ACACA: variants seen among roughly 807,000 people sequenced by gnomAD.
ACACA encodes the protein acetyl-CoA carboxylase alpha, also known as acetyl-CoA carboxylase 1.
In ACACA, 103 loss-of-function variants were observed where a neutral mutation model predicts 296.1. That is an observed-to-expected ratio of 0.35 (90% CI 0.30 to 0.41). The LOEUF (loss-of-function observed/expected upper bound fraction) is 0.41. Ranked by LOEUF, ACACA falls within the 10% of genes least tolerant of loss-of-function variation. The pLI, the probability that ACACA is intolerant of heterozygous loss-of-function variation, is 1.00. For missense variants in ACACA, 1,554 were observed against 2,989.7 expected, an observed-to-expected ratio of 0.52 and a Z score of 11.20; for synonymous variants, 953 against 1,038.6, an observed-to-expected ratio of 0.92 and a Z score of 1.58.
intron 2 of ACACA, among the ~76,000 whole-genome samples, chr17:37,332,229 A>G (rs1020341703): frequency 2.0e-5 from 3 of 151,820 alleles, no homozygotes; most frequent in African/African-American, 4.8e-5. Flanking sequence ...TTAAAAAAAA[A>G]AAAGAAAGAA....
chr17:37,354,886 C>G (rs1271253475), intron 1 of ACACA, among the ~76,000 whole-genome samples: 2 of 152,182 alleles, frequency 1.3e-5, no homozygotes, highest in Non-Finnish European at 2.9e-5. Flanking sequence ...ATGATCACGT[C>G]ACTGCACTCC....
chr17:37,197,025 A>T (rs2078032479), intron 35 of ACACA, among the ~76,000 whole-genome samples: 1 of 152,188 alleles, frequency 6.6e-6, no homozygotes, highest in Admixed American at 6.5e-5. Flanking sequence ...ATGGTTATGG[A>T]AACAGAGTCA....
intron 1 of ACACA, among the ~76,000 whole-genome samples, chr17:37,361,035 G>C (rs1044099435): frequency 1.3e-5 from 2 of 150,226 alleles, no homozygotes; most frequent in African/African-American, 5.0e-5. Flanking sequence ...TCTTTCCCCA[G>C]GATTCTTTTT....
chr17:37,259,904 G>C (rs1048414232), intron 11 of ACACA, among the ~76,000 whole-genome samples: 1 of 143,238 alleles, frequency 7.0e-6, no homozygotes, highest in African/African-American at 2.6e-5. Flanking sequence ...TTTTGAGACA[G>C]AGTCTCACTC....
In ACACA at chr17:37,355,944, G is replaced by A. The variant is rs868513094; in HGVS notation, c.39-16094C>T. Among the ~76,000 whole-genome samples, 23 of 151,742 alleles carry A rather than the reference G, an allele frequency of 1.5e-4. 1 individual carries two copies. The Middle Eastern group carries it at 0.017, about 112-fold the overall frequency. On this transcript the variant is annotated intron_variant, in intron 1 of 55. Transcript: ENST00000616317. ...AACACTTTGGGAAGATGAGGAGGGCGGACCACCTGAGGTCAGGAGTTTATG... is the reference window on the plus strand; with the variant it reads ...AACACTTTGGGAAGATGAGGAGGGCAGACCACCTGAGGTCAGGAGTTTATG...
At chr17:37,245,649 C>G (rs1169251368) in intron 19 of ACACA, among the ~76,000 whole-genome samples, 1 of 152,112 alleles carries the variant, frequency 6.6e-6, no homozygotes, top group African/African-American at 2.4e-5. Flanking sequence ...AAAAATCTTC[C>G]TCTCTTGCCA....
chr17:37,088,485 T>A (rs1007973679), intron 55 of ACACA, among the ~76,000 whole-genome samples: 2 of 152,236 alleles, frequency 1.3e-5, no homozygotes, highest in Non-Finnish European at 1.5e-5. Context: ...TTTCTGTAAG[T>A]GAAATGTTTC....
Position 37,125,763 on chromosome 17 carries a change from A to G in ACACA, c.5976T>C (p.Phe1992=). Reference sequence around the variant, plus strand: ...TAATCTCTGAGAAAGATCCATAGTCAAAAAAGCCACTCAACCACTGACCTT... The same window carrying G: ...TAATCTCTGAGAAAGATCCATAGTCGAAAAAGCCACTCAACCACTGACCTT... ...TQKGQWLSGF[F]DYGSFSEIMQ... is the part of the protein sequence containing the mutation. Residue 1992 remains phenylalanine (F), a synonymous_variant, in exon 48 of 56, where the codon TTT becomes TTC. Coordinates refer to ENST00000616317, the MANE Select transcript of ACACA (RefSeq NM_198834.3). The G allele has an allele frequency of 6.2e-7, 1 of 1,613,966 alleles. No individual in the cohort carries two copies. The highest frequency in any genetic ancestry group is 8.5e-7 in the Non-Finnish European group (1 of 1,179,908).
At chr17:37,385,534 C>T (rs115557453) in intron 1 of ACACA, among the ~76,000 whole-genome samples, 161 of 152,064 alleles carry the variant, frequency 1.1e-3, no homozygotes, top group African/African-American at 3.7e-3. Flanking sequence ...GTGGCTTTTC[C>T]TTCTTCCAGC....
At chr17:37,334,994 A>C (rs1411436069) in intron 2 of ACACA, among the ~76,000 whole-genome samples, 1 of 152,168 alleles carries the variant, frequency 6.6e-6, no homozygotes, top group Non-Finnish European at 1.5e-5. Context: ...TGGAGGACTC[A>C]CTTCACTCAT....
chr17:37,205,906 G>A (rs918642710), intron 32 of ACACA, 34 bp from the exon 33 acceptor site: 13 of 1,505,002 alleles, frequency 8.6e-6, no homozygotes, highest in East Asian at 2.3e-5. Context: ...AAGAAATTAT[G>A]AGGCTGGCCA....
At chr17:37,390,289 A>T (rs1365895276) in intron 1 of ACACA, among the ~76,000 whole-genome samples, 3 of 51,308 alleles carry the variant, frequency 5.8e-5, no homozygotes, top group African/African-American at 3.0e-4. Flanking sequence ...ATATATAATT[A>T]TATATTATAC....
intron 32 of ACACA, among the ~76,000 whole-genome samples, chr17:37,206,084 G>A (rs61366985): frequency 0.011 from 1,738 of 152,220 alleles, 38 homozygotes; most frequent in African/African-American, 0.038. Flanking sequence ...TAAAAGATAA[G>A]GCAGCAGAGG....
chr17:37,327,052 T>G (rs1236393739), intron 3 of ACACA, among the ~76,000 whole-genome samples: 1 of 152,146 alleles, frequency 6.6e-6, no homozygotes, highest in Non-Finnish European at 1.5e-5. Context: ...GACCTCCAGT[T>G]AACATCTCCT....
At chr17:37,129,340 A>G in intron 47 of ACACA, 25 bp downstream of exon 47, 2 of 1,613,958 alleles carry the variant, frequency 1.2e-6, no homozygotes, top group Non-Finnish European at 1.7e-6. Context: ...GCCAGGTACC[A>G]TGGGGTCCTC....
intron 3 of ACACA, among the ~76,000 whole-genome samples, chr17:37,300,287 T>G (rs1040202973): frequency 2.0e-5 from 3 of 152,190 alleles, no homozygotes; most frequent in Non-Finnish European, 4.4e-5. Flanking sequence ...GACAGATCTC[T>G]TAAAGAAATA....
chr17:37,251,553 G>A (rs565513495), intron 16 of ACACA, among the ~76,000 whole-genome samples: 1 of 152,280 alleles, frequency 6.6e-6, no homozygotes, highest in East Asian at 1.9e-4. Context: ...AATTAGTTTA[G>A]CCCCATAGAT....
chr17:37,188,246 A>G (rs758478915), intron 39 of ACACA, 31 bp downstream of exon 39: 3 of 1,607,338 alleles, frequency 1.9e-6, no homozygotes, highest in East Asian at 4.5e-5. Flanking sequence ...GACCAAATCA[A>G]AACTCTGAGG....
chr17:37,169,841 C>T (rs909387381), intron 41 of ACACA, among the ~76,000 whole-genome samples: 1 of 152,042 alleles, frequency 6.6e-6, no homozygotes, highest in Admixed American at 6.6e-5. Context: ...AAATGACATG[C>T]CAGGACTAAG....
Sources: gnomAD v4.1 joint callset for allele counts (sites outside exome capture counted in the v4.1 genomes callset) on GRCh38, gnomAD v4.1.1 for gene constraint, MANE v1.5 for transcripts, NCBI Gene and HGNC (gene_info 2026-07-23, HGNC 2026-07-21) for gene names.